The following BCL7C variants were observed in gnomAD, a reference collection of about 807,000 sequenced individuals.
BCL7C encodes the protein BAF chromatin remodeling complex subunit BCL7C.
Under a neutral mutation model 26.2 loss-of-function variants are expected in BCL7C, and 8 were observed. The observed-to-expected ratio is 0.30, with a 90% confidence interval of 0.18 to 0.55. BCL7C has a LOEUF of 0.55. BCL7C is among the 20% of genes least tolerant of loss of function. The pLI is 0.93. For missense variants in BCL7C, 262 were observed against 298.5 expected, an observed-to-expected ratio of 0.88 and a Z score of 0.90; for synonymous variants, 90 against 116.5, an observed-to-expected ratio of 0.77 and a Z score of 1.47.
At chr16:30,839,625 G>A (rs1383910307) in intron 5 of BCL7C, among the ~76,000 whole-genome samples, 1 of 152,196 alleles carries the variant, frequency 6.6e-6, no homozygotes, top group Non-Finnish European at 1.5e-5. Context: ...TGAGGAATGC[G>A]GAGGCCTCCA....
At chr16:30,869,496 C>G (rs930329631) in intron 5 of BCL7C, among the ~76,000 whole-genome samples, 15 of 141,146 alleles carry the variant, frequency 1.1e-4, no homozygotes, top group Non-Finnish European at 3.0e-5. Context: ...TGAGCCACCA[C>G]GCCTGGCTCT....
At chr16:30,875,646 C>A (rs2143043434) in intron 5 of BCL7C, 1 of 152,380 alleles carries the variant, frequency 6.6e-6, no homozygotes, top group East Asian at 1.9e-4. Flanking sequence ...GACATTAAAA[C>A]CTCCACCGGG....
chr16:30,876,116 A>C (rs2054945570), intron 5 of BCL7C: 1 of 152,292 alleles, frequency 6.6e-6, no homozygotes, highest in Admixed American at 6.5e-5. Context: ...AAGAGGACAG[A>C]AAGTAAGTTC....
At chr16:30,879,694 A>AAAAAAAAAAAAAAAC in intron 5 of BCL7C, among the ~76,000 whole-genome samples, 1 of 140,740 alleles carries the variant, frequency 7.1e-6, no homozygotes, top group African/African-American at 2.6e-5. Context: ...CTCTACAAAA[A>AAAAAAAAAAAAAAAC]AAAAAAAAAA....
Position 30,892,853 on chromosome 16 carries a change from C to G in BCL7C, c.267G>C (p.Leu89=). 1.2e-6 allele frequency: 2 copies of G among 1,613,306 alleles called. No homozygotes were observed. ...ASPRGGGPLI[L]LDLNDENSNQ... Reference sequence around the variant, plus strand: ...ATCCCTACCTACCATTAAGATCCAGCAGGATGAGAGGGCCACCCCCTCGGG... The same window carrying G: ...ATCCCTACCTACCATTAAGATCCAGGAGGATGAGAGGGCCACCCCCTCGGG... Residue 89 remains leucine, a synonymous_variant, in exon 3 of 6, where the codon CTG becomes CTC. Transcript: ENST00000215115.
chr16:30,874,414 C>T (rs373999080), intron 5 of BCL7C, among the ~76,000 whole-genome samples: 1 of 152,040 alleles, frequency 6.6e-6, no homozygotes, highest in African/African-American at 2.4e-5. Flanking sequence ...CCCAGGAGTT[C>T]CAGACCAGCC....
intron 5 of BCL7C, among the ~76,000 whole-genome samples, chr16:30,873,848 C>CAAAA (rs201448296): frequency 7.5e-6 from 1 of 133,530 alleles, no homozygotes. Flanking sequence ...TACACTGTCT[C>CAAAA]AAAAAAAAAA....
rs2055266132 is a variant in BCL7C, at chr16:30,892,630, C to G, written c.398G>C (p.Gly133Ala). 6.2e-7 allele frequency: 1 copy of G among 1,608,720 alleles called. No individual in the cohort carries two copies. Among genetic ancestry groups the G allele is most frequent in the African/African-American group, 1.3e-5 (1 of 74,634 alleles). The change falls in exon 4 of 6, where the codon GGG becomes GCG. Residue 133 changes from glycine to alanine, a missense_variant. Gly to Ala is a moderately conservative substitution (Grantham distance 60, BLOSUM62 0). Transcript: ENST00000215115. ...TGGGGGCTGAGCCTCCTCAGGGACC[C>G]CTTCTGGGGGTCCGGCAGGTGACAC... is the stretch of plus-strand genomic sequence containing the variant. ...RPVSPAGPPE[G>A]VPEEAQPPRL...
intron 5 of BCL7C, among the ~76,000 whole-genome samples, chr16:30,838,305 G>A (rs149616611): frequency 1.1e-3 from 160 of 152,328 alleles, no homozygotes; most frequent in African/African-American, 3.7e-3. Flanking sequence ...ATGAGATTAC[G>A]TGAGTGTATG....
At chr16:30,878,626 C>T (rs565806731) in intron 5 of BCL7C, among the ~76,000 whole-genome samples, 1 of 151,602 alleles carries the variant, frequency 6.6e-6, no homozygotes, top group Non-Finnish European at 1.5e-5. Context: ...GGGTGGATCA[C>T]GAGGTCAGGA....
chr16:30,875,372 C>A (rs1449297014), intron 5 of BCL7C: 1 of 152,706 alleles, frequency 6.5e-6, no homozygotes, highest in African/African-American at 2.4e-5. Context: ...CGCGCGCCCG[C>A]GCCCCAACCG....
downstream of BCL7C, among the ~76,000 whole-genome samples, chr16:30,882,968 C>T (rs1057462506): frequency 3.9e-5 from 6 of 152,130 alleles, no homozygotes; most frequent in Non-Finnish European, 7.3e-5. Context: ...GAGGATGAGG[C>T]TGGGGTCTCT....
exon 6 of BCL7C, chr16:30,833,827 A>C (rs1467204503): frequency 6.6e-6 from 1 of 152,200 alleles, no homozygotes; most frequent in Non-Finnish European, 1.5e-5. Context: ...TTCACCAGAG[A>C]AAAATGAATG....
downstream of BCL7C, among the ~76,000 whole-genome samples, chr16:30,887,165 C>T (rs371131019): frequency 7.0e-4 from 107 of 152,132 alleles, 1 homozygote; most frequent in East Asian, 0.014. Flanking sequence ...AAAAATTAGC[C>T]GGGCGTGGTG....
intron 4 of BCL7C, among the ~76,000 whole-genome samples, chr16:30,891,277 A>G (rs1427492624): frequency 6.6e-6 from 1 of 151,982 alleles, no homozygotes; most frequent in Non-Finnish European, 1.5e-5. Flanking sequence ...AGCCTGGCCA[A>G]CATGGCGAAA....
chr16:30,887,140 C>T (rs188485858), downstream of BCL7C, among the ~76,000 whole-genome samples: 2 of 152,262 alleles, frequency 1.3e-5, no homozygotes, highest in African/African-American at 2.4e-5. Context: ...AAAACCCAGT[C>T]TCTACTAAAA....
At chr16:30,884,755 C>T (rs1481271711), downstream of BCL7C, among the ~76,000 whole-genome samples, 1 of 152,100 alleles carries the variant, frequency 6.6e-6, no homozygotes, top group Non-Finnish European at 1.5e-5. Context: ...CCTCAGCCTC[C>T]CAAAGTGCTG....
At chr16:30,871,933 C>T (rs754692051) in intron 5 of BCL7C, among the ~76,000 whole-genome samples, 1 of 152,152 alleles carries the variant, frequency 6.6e-6, no homozygotes, top group Non-Finnish European at 1.5e-5. Flanking sequence ...TTGAATTGCA[C>T]AGCTGTGAGA....
intron 5 of BCL7C, among the ~76,000 whole-genome samples, chr16:30,865,505 G>C (rs2054817480): frequency 6.6e-6 from 1 of 152,074 alleles, no homozygotes; most frequent in Non-Finnish European, 1.5e-5. Flanking sequence ...TTGAGCTCTG[G>C]AGTTTGAGGT....
Sources: gnomAD v4.1 joint callset for allele counts (sites outside exome capture counted in the v4.1 genomes callset) on GRCh38, gnomAD v4.1.1 for gene constraint, MANE v1.5 for transcripts, NCBI Gene and HGNC (gene_info 2026-07-23, HGNC 2026-07-21) for gene names.